The following KANK2 variants were observed in gnomAD, a reference collection of about 807,000 sequenced individuals.
The protein encoded by KANK2 is KN motif and ankyrin repeat domains 2.
In KANK2, 41 loss-of-function variants were observed where a neutral mutation model predicts 74.6. The observed-to-expected ratio is 0.55, with a 90% CI of 0.43 to 0.71. KANK2 has a LOEUF of 0.71. Ranked by LOEUF, KANK2 falls within the 30% of genes least tolerant of loss-of-function variation. The pLI is 0.00. For synonymous variants in KANK2, 537 were observed against 519.0 expected (o/e 1.03, Z -0.47); for missense variants, 1,148 against 1,196.4 (o/e 0.96, Z 0.60).
Position 11,184,641 on chromosome 19 carries a change from T to G in KANK2, c.1250-5921A>C, listed in dbSNP as rs568002469. Among the ~76,000 whole-genome samples, 3 of 148,996 alleles carry G rather than the reference T, an allele frequency of 2.0e-5. No individual in the cohort carries two copies. The South Asian group carries it at 6.4e-4, about 32-fold the overall frequency. ...ATTCCGCGTGGCTGTATCCAATAAG[T>G]TTGAATTTCACATAATCTTGTCATG... On this transcript the variant is annotated intron_variant, in intron 4 of 12. Coordinates refer to ENST00000586659, the MANE Select transcript of KANK2 (RefSeq NM_001136191.3).
In KANK2 at chr19:11,193,280, A is replaced by G; in HGVS notation, c.800T>C (p.Val267Ala). 6.2e-7 allele frequency: 1 copy of G among 1,611,340 alleles called. No homozygotes were observed. Among genetic ancestry groups the G allele is most frequent in the Non-Finnish European group, 8.5e-7 (1 of 1,179,780 alleles). Residue 267 changes from valine to alanine, a missense_variant, in exon 4 of 13, where the codon GTG (valine) becomes GCG (alanine). Val to Ala is a moderately conservative substitution (Grantham distance 64, BLOSUM62 0). Transcript: ENST00000586659. This position sits in a 1 kb window ranked among gnomAD's most constrained non-coding sequence, Gnocchi z 9.6. Reference protein sequence around the residue: ...EDPVALETRSVGTWVRERDLG... With the variant: ...EDPVALETRSAGTWVRERDLG... ...GTCCCGTTCTCGAACCCAGGTGCCC[A>G]CACTCCGGGTCTCCAGTGCCACTGG... is the stretch of plus-strand genomic sequence containing the variant.
Position 11,193,247 on chromosome 19 carries a change from A to T in KANK2, c.833T>A (p.Met278Lys). ...GTWVRERDLG[M>K]PDGEAALAAK... is the part of the protein sequence containing the mutation. ...GGCGAGGGCAGCCTCCCCATCAGGC[A>T]TGCCCAAGTCCCGTTCTCGAACCCA... The change falls in exon 4 of 13, where the codon ATG (methionine) becomes AAG (lysine). Residue 278 changes from methionine (M) to lysine (K), a missense_variant. By Grantham distance (95) the Met-to-Lys change is moderately conservative. Coordinates refer to ENST00000586659, the MANE Select transcript of KANK2 (RefSeq NM_001136191.3). This position sits in a 1 kb window ranked among gnomAD's most constrained non-coding sequence, Gnocchi z 9.6. 3 of 1,610,368 alleles carry T rather than the reference A, an allele frequency of 1.9e-6. No homozygotes were observed. Among genetic ancestry groups the T allele is most frequent in the Non-Finnish European group, 2.5e-6 (3 of 1,179,774 alleles).
At chr19:11,191,955 A>G (rs2078858398) in intron 4 of KANK2, among the ~76,000 whole-genome samples, 1 of 152,166 alleles carries the variant, frequency 6.6e-6, no homozygotes, top group Admixed American at 6.5e-5. Flanking sequence ...GCTACTTGGG[A>G]GGCTAAGGCG....
intron 12 of KANK2, among the ~76,000 whole-genome samples, chr19:11,167,071 T>C (rs1309376827): frequency 6.6e-6 from 1 of 152,116 alleles, no homozygotes; most frequent in Admixed American, 6.5e-5. Flanking sequence ...GGCTTTTTCT[T>C]TTCTTTTTTT....
intron 3 of KANK2, 46 bp from the exon 4 acceptor site, chr19:11,194,088 A>G (rs755622285): frequency 1.3e-6 from 2 of 1,546,652 alleles, no homozygotes; most frequent in East Asian, 2.3e-5. Flanking sequence ...TCTTGTCCCC[A>G]TTCTCAGGGT....
chr19:11,169,411 G>A (rs1429016090), intron 12 of KANK2, among the ~76,000 whole-genome samples: 1 of 152,196 alleles, frequency 6.6e-6, no homozygotes, highest in Non-Finnish European at 1.5e-5. Context: ...AGGAGGCTGA[G>A]GTGAAAGGAT....
At position 11,195,775 on chromosome 19, in the gene KANK2, C is replaced by A. The variant is rs1307291471; in HGVS notation, c.-233G>T. On this transcript the variant is annotated 5_prime_UTR_variant, in exon 2 of 13. Transcript: ENST00000586659. ...TCTGCGTCTCTCTCCGTGTCTCTCTCCCTGTCTTTCCACGTCTCTGTCTTC... is the reference window on the plus strand; with the variant it reads ...TCTGCGTCTCTCTCCGTGTCTCTCTACCTGTCTTTCCACGTCTCTGTCTTC... 6.6e-6 allele frequency: 1 copy of A among 152,374 alleles called. No individual in the cohort carries two copies. Among genetic ancestry groups the A allele is most frequent in the East Asian group, 1.9e-4 (1 of 5,196 alleles). 9.4% of individuals were successfully genotyped at this position (152,374 alleles called of 1,614,324 possible). A position where few individuals can be genotyped will look rare whatever the true frequency, so the allele number is the denominator to read the frequency against.
At chr19:11,191,336 G>A (rs1475012511) in intron 4 of KANK2, among the ~76,000 whole-genome samples, 2 of 152,184 alleles carry the variant, frequency 1.3e-5, no homozygotes, top group Non-Finnish European at 2.9e-5. Context: ...ACTGCGCCCG[G>A]CCCAGCTGTC....
intron 4 of KANK2, among the ~76,000 whole-genome samples, chr19:11,182,006 CT>C (rs1288613944): frequency 2.0e-5 from 3 of 150,232 alleles, no homozygotes; most frequent in African/African-American, 7.3e-5. Flanking sequence ...CAACCTCTGC[CT>C]CCTGGGTTCA....
intron 4 of KANK2, among the ~76,000 whole-genome samples, chr19:11,181,635 A>G (rs979365465): frequency 6.6e-6 from 1 of 151,798 alleles, no homozygotes; most frequent in Non-Finnish European, 1.5e-5. Flanking sequence ...TTTAATGGGG[A>G]CAGTTTCAGT....
intron 12 of KANK2, 190 bp downstream of exon 12, chr19:11,169,687 G>T: frequency 1.7e-6 from 1 of 602,090 alleles, no homozygotes; most frequent in Non-Finnish European, 3.0e-6. Flanking sequence ...TGTTATCCCA[G>T]CTACTCAGGA....
At chr19:11,172,254 G>A (rs373769690) in intron 10 of KANK2, among the ~76,000 whole-genome samples, 6 of 152,264 alleles carry the variant, frequency 3.9e-5, no homozygotes, top group African/African-American at 1.4e-4. Flanking sequence ...TGGGATTATA[G>A]GCATGAGCCA....
chr19:11,192,724 C>G (rs755890294), intron 4 of KANK2, 107 bp downstream of exon 4: 2 of 1,404,506 alleles, frequency 1.4e-6, no homozygotes, highest in Non-Finnish European at 2.0e-6. Context: ...CATGCGCCAC[C>G]GCACCCTGCC....
chr19:11,174,955 CTCTT>C (rs1284508601), intron 8 of KANK2, among the ~76,000 whole-genome samples: 4 of 145,926 alleles, frequency 2.7e-5, no homozygotes, highest in South Asian at 2.1e-4. Flanking sequence ...TTCTCTCTCT[CTCTT>C]TTTTTTTTTT....
chr19:11,193,643 C>A lies in KANK2; in HGVS notation c.437G>T (p.Gly146Val). Residue 146 changes from glycine (G) to valine (V), a missense_variant, in exon 4 of 13, where the codon GGC (glycine) becomes GTC (valine). Coordinates refer to ENST00000586659, the MANE Select transcript of KANK2 (RefSeq NM_001136191.3). This position sits in a 1 kb window ranked among gnomAD's most constrained non-coding sequence, Gnocchi z 9.6. ...EDQAATPTGLGSLTPSAAGST... is the reference protein window; with the variant it reads ...EDQAATPTGLVSLTPSAAGST... ...GCCGGCCGCACTGGGGGTCAGGGAG[C>A]CCAGGCCGGTGGGTGTGGCCGCCTG... 1.3e-6 allele frequency: 2 copies of A among 1,596,886 alleles called. No homozygotes were observed. Among genetic ancestry groups the A allele is most frequent in the South Asian group, 2.2e-5 (2 of 89,630 alleles).
chr19:11,190,592 T>C (rs557968921), intron 4 of KANK2, among the ~76,000 whole-genome samples: 1 of 152,248 alleles, frequency 6.6e-6, no homozygotes, highest in East Asian at 1.9e-4. Flanking sequence ...TCCACCTCTC[T>C]AGAGGTGGAG....
At chr19:11,181,324 G>A (rs374661329) in intron 4 of KANK2, among the ~76,000 whole-genome samples, 107 of 151,382 alleles carry the variant, frequency 7.1e-4, no homozygotes, top group African/African-American at 2.4e-3. Flanking sequence ...TCGGCTCACT[G>A]CAACCTCTGC....
rs1336347271 is a variant in KANK2 at position 11,197,481 on chromosome 19, TCGCCTTGCGCG to T, written c.-286_-279+3del. 6.6e-6 allele frequency: 1 copy of T among 151,860 alleles called. No homozygotes were observed. 9.4% of individuals were successfully genotyped at this position (151,860 alleles called of 1,614,324 possible). A position where few individuals can be genotyped will look rare whatever the true frequency, so the allele number is the denominator to read the frequency against. On this transcript the variant is annotated splice_donor_variant and splice_donor_region_variant and 5_prime_UTR_variant and intron_variant, in exon 1 of 13. Transcript: ENST00000586659. LOFTEE classifies it low-confidence loss of function (5UTR_SPLICE). The stretch of plus-strand genomic sequence containing the variant: ...ACCCCTACCCAGCCCCGGGTCCCAC[TCGCCTTGCGCG>T]CTCCGGCCGCTGCCTTCCCTGGGTC...
rs1046673737 is a variant in KANK2, at chr19:11,193,135, G to A, written c.945C>T (p.Pro315=). The A allele has an allele frequency of 6.2e-7, 1 of 1,607,356 alleles. No individual in the cohort carries two copies. Among genetic ancestry groups the A allele is most frequent in the East Asian group, 2.2e-5 (1 of 44,694 alleles). The change falls in exon 4 of 13, where the codon CCC becomes CCT. Residue 315 remains proline, a synonymous_variant. Transcript: ENST00000586659. The surrounding 1 kb of genome is among the most constrained non-coding windows in gnomAD (Gnocchi z 9.6). ...GGCTGTCCGGCGGTGGCCAGGCCTGGGGCTGGGGGTCAGCCTGCCGGGCCT... is the reference window on the plus strand; with the variant it reads ...GGCTGTCCGGCGGTGGCCAGGCCTGAGGCTGGGGGTCAGCCTGCCGGGCCT... The part of the protein sequence containing the change: ...AAQARQADPQ[P]QAWPPPDSPV...
Sources: allele counts gnomAD v4.1 joint callset (sites outside exome capture counted in the v4.1 genomes callset), GRCh38; gene constraint gnomAD v4.1.1; non-coding constraint Gnocchi (gnomAD v3.1); transcripts MANE v1.5; gene names NCBI Gene and HGNC (gene_info 2026-07-23, HGNC 2026-07-21).